Variants in PPP2R2C observed in about 807,000 individuals in gnomAD.
PPP2R2C encodes the protein protein phosphatase 2, regulatory subunit B, gamma.
A neutral mutation model predicts 45.3 loss-of-function variants in PPP2R2C; 10 were observed. The observed-to-expected ratio is 0.22, with a 90% confidence interval of 0.14 to 0.37. The LOEUF (loss-of-function observed/expected upper bound fraction) is 0.37, where lower values mean the gene tolerates loss of function less well. PPP2R2C is among the 10% of genes least tolerant of loss of function. PPP2R2C has a pLI of 1.00. For missense variants in PPP2R2C, 308 were observed against 619.7 expected (o/e 0.50, Z 5.34); for synonymous variants, 257 against 245.4 (o/e 1.05, Z -0.44).
At chr4:6,552,721 A>G (rs1333772464) in intron 1 of PPP2R2C, among the ~76,000 whole-genome samples, 1 of 152,192 alleles carries the variant, frequency 6.6e-6, no homozygotes, top group Non-Finnish European at 1.5e-5. Context: ...ATGTAAGGTA[A>G]CAAATTCACA....
intron 1 of PPP2R2C, among the ~76,000 whole-genome samples, chr4:6,559,543 A>G (rs1476178145): frequency 6.6e-6 from 1 of 152,118 alleles, no homozygotes; most frequent in African/African-American, 2.4e-5. Context: ...TTCTTGCCCC[A>G]TGCATAACTT....
At chr4:6,492,793 A>G (rs1022715020) in intron 2 of PPP2R2C, among the ~76,000 whole-genome samples, 1 of 152,182 alleles carries the variant, frequency 6.6e-6, no homozygotes, top group Admixed American at 6.5e-5. Context: ...AACACACAGC[A>G]ATGACACAGG....
intron 6 of PPP2R2C, among the ~76,000 whole-genome samples, chr4:6,341,190 A>G (rs1733414589): frequency 6.6e-6 from 1 of 152,102 alleles, no homozygotes; most frequent in Non-Finnish European, 1.5e-5. Flanking sequence ...AAAAATACAA[A>G]AAGTCGGGTG....
chr4:6,442,399 C>A (rs1720201772), intron 1 of PPP2R2C, among the ~76,000 whole-genome samples: 1 of 152,236 alleles, frequency 6.6e-6, no homozygotes. Context: ...GGAACCCACA[C>A]AGAGAAGGGA....
intron 1 of PPP2R2C, among the ~76,000 whole-genome samples, chr4:6,409,537 G>A (rs1423148539): frequency 1.3e-5 from 2 of 152,214 alleles, no homozygotes. Context: ...GCCAGCCCAT[G>A]AGGAAGAGGA....
chr4:6,462,437 C>T (rs888469791), intron 1 of PPP2R2C, among the ~76,000 whole-genome samples: 1 of 151,998 alleles, frequency 6.6e-6, no homozygotes, highest in African/African-American at 2.4e-5. Flanking sequence ...CAAGATCACG[C>T]CATTGTACTC....
At chr4:6,456,156 C>A (rs2108751923) in intron 1 of PPP2R2C, among the ~76,000 whole-genome samples, 1 of 152,294 alleles carries the variant, frequency 6.6e-6, no homozygotes, top group African/African-American at 2.4e-5. Flanking sequence ...AAATTGTTAA[C>A]TCAGAGTGCA....
chr4:6,460,093 TAGA>T lies in PPP2R2C; in HGVS notation c.70+12064_70+12066del, dbSNP rs1451530620. Among the ~76,000 whole-genome samples the T allele has an allele frequency of 7.9e-5, 12 of 152,308 alleles. No homozygotes were observed. In the East Asian group the frequency reaches 2.3e-3, roughly 29 times the overall value. On this transcript the variant is annotated intron_variant, in intron 1 of 8. Transcript: ENST00000382599. ...CCAGCATGGAACTCTTTAAAATACA[TAGA>T]AGAAGCATGTGACTGATATTACCAA...
intron 1 of PPP2R2C, among the ~76,000 whole-genome samples, chr4:6,434,089 C>T (rs1719763219): frequency 6.6e-6 from 1 of 152,156 alleles, no homozygotes; most frequent in Non-Finnish European, 1.5e-5. Context: ...CATAAGATAC[C>T]ATGTTTTAAT....
intron 1 of PPP2R2C, among the ~76,000 whole-genome samples, chr4:6,411,492 C>T (rs1718192382): frequency 6.6e-6 from 1 of 152,110 alleles, no homozygotes; most frequent in Non-Finnish European, 1.5e-5. Flanking sequence ...ACTGCCCATA[C>T]TCTTGTTGGT....
At chr4:6,325,048 A>C (rs1731835363) in intron 8 of PPP2R2C, among the ~76,000 whole-genome samples, 1 of 152,196 alleles carries the variant, frequency 6.6e-6, no homozygotes. Context: ...CTGGGTCTCC[A>C]GGGGTTATGC....
intron 2 of PPP2R2C, among the ~76,000 whole-genome samples, chr4:6,533,827 G>C (rs192333541): frequency 6.6e-6 from 1 of 152,042 alleles, no homozygotes; most frequent in Non-Finnish European, 1.5e-5. Context: ...CCGGGTGGCC[G>C]TTACATAGCA....
intron 1 of PPP2R2C, among the ~76,000 whole-genome samples, chr4:6,459,426 G>T (rs1026371034): frequency 2.8e-4 from 43 of 152,244 alleles, no homozygotes; most frequent in Middle Eastern, 3.4e-3. Flanking sequence ...TCTCATGATT[G>T]TGGAATGGGA....
intron 1 of PPP2R2C, among the ~76,000 whole-genome samples, chr4:6,404,880 C>T (rs1187990904): frequency 6.6e-5 from 10 of 152,236 alleles, no homozygotes; most frequent in African/African-American, 1.9e-4. Context: ...GGGCCAACTG[C>T]GGTCAGGTCC....
At chr4:6,549,190 C>T (rs1040939139) in intron 1 of PPP2R2C, among the ~76,000 whole-genome samples, 1 of 152,174 alleles carries the variant, frequency 6.6e-6, no homozygotes. Context: ...ACTTTGCCCC[C>T]CACAAAGTCC....
rs1468776122 is a variant in PPP2R2C, at chr4:6,534,733, C to T, written c.49+538G>A. ...GGGCGCCTTCCTGCACCCTGTACTT[C>T]GCAGTGACAACCCCGCCTCCGCATG... On this transcript the variant is annotated intron_variant, in intron 2 of 9. Coordinates refer to the PPP2R2C transcript ENST00000506140. Among the ~76,000 whole-genome samples the T allele has an allele frequency of 5.3e-5, 8 of 152,172 alleles. No homozygotes were observed. The East Asian group carries it at 7.7e-4, about 15-fold the overall frequency.
At chr4:6,372,780 C>T (rs577595089) in intron 4 of PPP2R2C, 80 bp from the exon 5 acceptor site, 3 of 1,435,494 alleles carry the variant, frequency 2.1e-6, no homozygotes, top group Admixed American at 1.7e-5. Context: ...GCATGTGATC[C>T]CAACCGGAGG....
chr4:6,413,430 G>A (rs1232770886), intron 1 of PPP2R2C, among the ~76,000 whole-genome samples: 1 of 152,216 alleles, frequency 6.6e-6, no homozygotes, highest in Non-Finnish European at 1.5e-5. Context: ...GCTACTCGGG[G>A]TCAGAGCCTC....
intron 1 of PPP2R2C, chr4:6,383,768 G>A: frequency 2.1e-6 from 2 of 966,328 alleles, no homozygotes; most frequent in Non-Finnish European, 2.5e-6. Flanking sequence ...GAGGGCAGGA[G>A]CCTCAGGCTT....
Sources: gnomAD v4.1 joint callset for allele counts (sites outside exome capture counted in the v4.1 genomes callset) on GRCh38, gnomAD v4.1.1 for gene constraint, MANE v1.5 for transcripts, NCBI Gene and HGNC (gene_info 2026-07-23, HGNC 2026-07-21) for gene names.